ZNF407: variants seen among roughly 807,000 people sequenced by gnomAD.
ZNF407 encodes the protein zinc finger protein 407.
In ZNF407, 17 loss-of-function variants were observed where a neutral mutation model predicts 131.2. The ratio of observed to expected loss-of-function variants is 0.13; its 90% CI spans 0.09 to 0.19. The LOEUF (loss-of-function observed/expected upper bound fraction) is 0.19, where lower values mean the gene tolerates loss of function less well. Ranked by LOEUF, ZNF407 falls within the 10% of genes least tolerant of loss-of-function variation. ZNF407 has a pLI of 1.00. For synonymous variants in ZNF407, 1,156 were observed against 1,062.0 expected, an observed-to-expected ratio of 1.09 and a Z score of -1.72; for missense variants, 2,681 against 2,830.6, an observed-to-expected ratio of 0.95 and a Z score of 1.20.
chr18:74,995,523 A>T (rs1202885391), intron 8 of ZNF407, among the ~76,000 whole-genome samples: 2 of 152,086 alleles, frequency 1.3e-5, no homozygotes, highest in Admixed American at 1.3e-4. Context: ...TCGCTTCCTA[A>T]ATTATTTTGC....
At chr18:74,698,463 A>G (rs1967412596) in intron 3 of ZNF407, among the ~76,000 whole-genome samples, 3 of 152,106 alleles carry the variant, frequency 2.0e-5, no homozygotes, top group African/African-American at 7.2e-5. Flanking sequence ...GGTTATATGT[A>G]TTATGTGTGT....
intron 3 of ZNF407, among the ~76,000 whole-genome samples, chr18:74,746,654 C>A (rs1968675386): frequency 6.6e-6 from 1 of 151,758 alleles, no homozygotes; most frequent in Non-Finnish European, 1.5e-5. Flanking sequence ...CCCCATCTTC[C>A]ATCTCTGTAT....
chr18:74,872,124 A>G (rs887748979), intron 4 of ZNF407, among the ~76,000 whole-genome samples: 1 of 152,068 alleles, frequency 6.6e-6, no homozygotes, highest in Non-Finnish European at 1.5e-5. Flanking sequence ...TTAGAACTAC[A>G]GTTAGCACTG....
chr18:74,785,396 C>T (rs1216774659), intron 4 of ZNF407, among the ~76,000 whole-genome samples: 1 of 152,160 alleles, frequency 6.6e-6, no homozygotes, highest in African/African-American at 2.4e-5. Flanking sequence ...TTTTATGAGA[C>T]ATTTGGGATA....
intron 1 of ZNF407, among the ~76,000 whole-genome samples, chr18:74,621,720 A>G (rs909767529): frequency 2.6e-5 from 4 of 152,206 alleles, no homozygotes; most frequent in Non-Finnish European, 4.4e-5. Context: ...TCCCTTACAA[A>G]CAGCTCCGTA....
Position 74,773,951 on chromosome 18 carries a change from G to A in ZNF407, c.4803-7477G>A, listed in dbSNP as rs8084323. On this transcript the variant is annotated intron_variant, in intron 3 of 8. Transcript: ENST00000299687. ...CTATAAGAAACCAGGACTGATTGCA[G>A]GTCTGGAGCATGGACAGTGACTGTT... 9.0e-3 allele frequency among the ~76,000 whole-genome samples: 1,367 copies of A among 152,332 alleles called. 22 individuals are homozygous for A. Among genetic ancestry groups the A allele is most frequent in the African/African-American group, 0.03 (1,254 of 41,566 alleles).
intron 3 of ZNF407, among the ~76,000 whole-genome samples, chr18:74,707,693 G>T (rs1398701534): frequency 6.6e-6 from 1 of 151,988 alleles, no homozygotes; most frequent in East Asian, 1.9e-4. Context: ...TTTTTCTTTG[G>T]TATTAGTCTT....
chr18:74,946,511 G>A (rs565272379), intron 8 of ZNF407, among the ~76,000 whole-genome samples: 1 of 152,184 alleles, frequency 6.6e-6, no homozygotes, highest in Non-Finnish European at 1.5e-5. Flanking sequence ...AATCACAGGG[G>A]AGAAAATATT....
chr18:74,983,829 C>G (rs1002991459), intron 8 of ZNF407, among the ~76,000 whole-genome samples: 1 of 152,172 alleles, frequency 6.6e-6, no homozygotes. Context: ...GAAAGGAGTC[C>G]CACACCCGTC....
At chr18:74,877,387 C>T (rs1971174231) in intron 5 of ZNF407, 24 bp downstream of exon 5, 1 of 1,607,334 alleles carries the variant, frequency 6.2e-7, no homozygotes, top group South Asian at 1.1e-5. Context: ...CCTTCCTATC[C>T]CAGGAGGCTG....
intron 3 of ZNF407, among the ~76,000 whole-genome samples, chr18:74,647,172 G>A (rs1175839034): frequency 6.6e-6 from 1 of 151,920 alleles, no homozygotes; most frequent in African/African-American, 2.4e-5. Context: ...GCTGGATGTG[G>A]TGGCTCATGC....
chr18:74,761,156 T>C (rs966750558), intron 3 of ZNF407, among the ~76,000 whole-genome samples: 6 of 152,142 alleles, frequency 3.9e-5, no homozygotes, highest in African/African-American at 1.4e-4. Context: ...ACTTTATATT[T>C]ATTGGAGTAC....
chr18:74,987,596 ACTCTGAGGGGTTAGTGAAG>A (rs1411386776), intron 8 of ZNF407, among the ~76,000 whole-genome samples: 1 of 151,906 alleles, frequency 6.6e-6, no homozygotes, highest in African/African-American at 2.4e-5. Context: ...TATGATGTGA[ACTCTGAGGGGTTAGTGAAG>A]CTGCCTGTCT....
chr18:75,012,125 A>G (rs975186493), intron 8 of ZNF407, among the ~76,000 whole-genome samples: 1 of 152,130 alleles, frequency 6.6e-6, no homozygotes, highest in African/African-American at 2.4e-5. Flanking sequence ...ATGACAGTTG[A>G]GCTGTCACAT....
intron 3 of ZNF407, among the ~76,000 whole-genome samples, chr18:74,699,956 G>C (rs926269777): frequency 6.6e-6 from 1 of 152,080 alleles, no homozygotes; most frequent in Non-Finnish European, 1.5e-5. Context: ...ATGTGAGTTT[G>C]TATTACTTAA....
rs527934709 is a variant in ZNF407 at position 74,951,725 on chromosome 18, C to T, written c.5428+31033C>T. Among the ~76,000 whole-genome samples the T allele has an allele frequency of 2.0e-5, 3 of 152,196 alleles. No homozygotes were observed. The East Asian group carries it at 5.8e-4, about 29-fold the overall frequency. ...TTAATCTAAATCATTAACTTTGATT[C>T]ATTTTCATAGTCTGTGTGTTTTTTA... On this transcript the variant is annotated intron_variant, in intron 8 of 8. Coordinates refer to ENST00000299687, the MANE Select transcript of ZNF407 (RefSeq NM_017757.3).
chr18:74,906,573 CAA>C (rs1331489058), intron 7 of ZNF407, among the ~76,000 whole-genome samples: 3 of 152,156 alleles, frequency 2.0e-5, no homozygotes. Flanking sequence ...CTGAGCAAAA[CAA>C]AAGTTTCCTT....
intron 4 of ZNF407, among the ~76,000 whole-genome samples, chr18:74,849,644 T>C (rs1265251850): frequency 2.6e-5 from 4 of 152,194 alleles, no homozygotes; most frequent in African/African-American, 9.6e-5. Flanking sequence ...CAGTCTTTAG[T>C]GCATTCCTGC....
intron 8 of ZNF407, among the ~76,000 whole-genome samples, chr18:74,946,210 A>G (rs1044978272): frequency 6.6e-6 from 1 of 152,330 alleles, no homozygotes; most frequent in African/African-American, 2.4e-5. Context: ...ATTTTAAACC[A>G]TTTACTCCAA....
Sources: gnomAD v4.1 joint callset for allele counts (sites outside exome capture counted in the v4.1 genomes callset) on GRCh38, gnomAD v4.1.1 for gene constraint, MANE v1.5 for transcripts, NCBI Gene and HGNC (gene_info 2026-07-23, HGNC 2026-07-21) for gene names.